Variants in SRL observed in about 807,000 individuals in gnomAD.
SRL encodes the protein sarcalumenin.
Under a neutral mutation model 39.5 loss-of-function variants are expected in SRL, and 23 were observed. The ratio of observed to expected loss-of-function variants is 0.58; its 90% confidence interval spans 0.42 to 0.82. The LOEUF (loss-of-function observed/expected upper bound fraction) is 0.82. Among genes scored for constraint, SRL ranks in the 40% least tolerant of loss-of-function variants. The pLI, the probability that SRL is intolerant of heterozygous loss-of-function variation, is 0.00. For synonymous variants in SRL, 272 were observed against 237.4 expected (o/e 1.15, Z -1.34); for missense variants, 592 against 607.8 (o/e 0.97, Z 0.27).
intron 1 of SRL, among the ~76,000 whole-genome samples, chr16:4,220,773 G>A (rs1285123850): frequency 6.6e-6 from 1 of 152,114 alleles, no homozygotes; most frequent in East Asian, 1.9e-4. Context: ...GGGATCGCTT[G>A]AGCCCAGGAG....
chr16:4,236,232 C>A (rs112056749), intron 1 of SRL, among the ~76,000 whole-genome samples: 1,637 of 152,054 alleles, frequency 0.011, 30 homozygotes, highest in African/African-American at 0.037. Context: ...CACTAAATAC[C>A]CTCAAACCCT....
At chr16:4,226,940 G>C (rs545077219) in intron 1 of SRL, among the ~76,000 whole-genome samples, 1 of 151,594 alleles carries the variant, frequency 6.6e-6, no homozygotes, top group African/African-American at 2.4e-5. Flanking sequence ...GAATGGATGG[G>C]TGGATGGATG....
chr16:4,211,811 A>G (rs975408549), intron 1 of SRL, among the ~76,000 whole-genome samples: 4 of 151,988 alleles, frequency 2.6e-5, no homozygotes, highest in Admixed American at 6.6e-5. Context: ...GATGATGATG[A>G]TGATGGCAGC....
At position 4,192,080 on chromosome 16, in the gene SRL, A is replaced by G; in HGVS notation, c.*73T>C. Reference sequence around the variant, plus strand: ...CCTGCCAGTGTGGCTCAAAGGGTTAATAAACCAGGACCTCTCAGACAGTTA... The same window carrying G: ...CCTGCCAGTGTGGCTCAAAGGGTTAGTAAACCAGGACCTCTCAGACAGTTA... On this transcript the variant is annotated 3_prime_UTR_variant, in exon 6 of 6. Coordinates refer to ENST00000399609, the MANE Select transcript of SRL (RefSeq NM_001098814.2). This position sits in a 1 kb window ranked among gnomAD's most constrained non-coding sequence, Gnocchi z 4.0. 1 of 1,464,238 alleles carries G rather than the reference A, an allele frequency of 6.8e-7. No individual in the cohort carries two copies. Among genetic ancestry groups the G allele is most frequent in the Non-Finnish European group, 9.2e-7 (1 of 1,087,232 alleles). The allele number at this position is 1,464,238 out of a possible 1,614,324, so 90.7% of individuals were successfully genotyped here. A position where few individuals can be genotyped will look rare whatever the true frequency, so the allele number is the denominator to read the frequency against.
At chr16:4,205,553 T>C (rs1176993376) in intron 1 of SRL, among the ~76,000 whole-genome samples, 4 of 128,822 alleles carry the variant, frequency 3.1e-5, no homozygotes, top group Admixed American at 1.5e-4. Flanking sequence ...AGAGAAGGCC[T>C]CCCCAGGTCT....
At chr16:4,207,917 G>T (rs763389091) in intron 1 of SRL, 11 of 456,606 alleles carry the variant, frequency 2.4e-5, no homozygotes, top group South Asian at 1.5e-4. Context: ...CGGCAGACGC[G>T]GGGGTCTTCT....
intron 1 of SRL, among the ~76,000 whole-genome samples, chr16:4,218,128 T>C (rs77182512): frequency 0.011 from 1,691 of 152,186 alleles, 18 homozygotes; most frequent in Middle Eastern, 0.017. Flanking sequence ...CCAGCCTCAG[T>C]CAGCCCTGAT....
chr16:4,216,412 C>T (rs1387864171), intron 1 of SRL, among the ~76,000 whole-genome samples: 2 of 152,056 alleles, frequency 1.3e-5, no homozygotes, highest in African/African-American at 4.8e-5. Flanking sequence ...GCCGGGACCA[C>T]AAGTGCACGC....
At chr16:4,207,321 C>T (rs1449045613) in intron 1 of SRL, 1 of 456,796 alleles carries the variant, frequency 2.2e-6, no homozygotes, top group East Asian at 7.0e-5. Context: ...GCTTTGGGCG[C>T]CCCCAGGCTC....
At chr16:4,238,471 G>A (rs1027436141) in intron 1 of SRL, among the ~76,000 whole-genome samples, 13 of 152,144 alleles carry the variant, frequency 8.5e-5, no homozygotes, top group South Asian at 4.1e-4. Flanking sequence ...GGGGATAAGC[G>A]GGTAAAAGCA....
chr16:4,194,788 G>C (rs915181521), intron 5 of SRL, among the ~76,000 whole-genome samples: 10 of 152,204 alleles, frequency 6.6e-5, no homozygotes, highest in African/African-American at 2.4e-4. Context: ...TCGCAGTAAC[G>C]ACAAGAAGGG....
chr16:4,220,883 G>A (rs1169036432), intron 1 of SRL, among the ~76,000 whole-genome samples: 2 of 151,950 alleles, frequency 1.3e-5, no homozygotes, highest in Non-Finnish European at 2.9e-5. Flanking sequence ...CTACTCAGGA[G>A]ACTGAGGCAG....
chr16:4,239,789 C>T (rs2052752821), intron 1 of SRL: 1 of 152,402 alleles, frequency 6.6e-6, no homozygotes, highest in South Asian at 2.1e-4. Flanking sequence ...CTTCCCTTCC[C>T]TGGATGGTGG....
chr16:4,197,421 C>CTTTTTTTTT (rs71139621), intron 4 of SRL, among the ~76,000 whole-genome samples: 6 of 107,578 alleles, frequency 5.6e-5, no homozygotes, highest in Non-Finnish European at 1.0e-4. Flanking sequence ...CTTTTCTTTC[C>CTTTTTTTTT]TTTTTTTTTT....
rs1182935431 is a variant in SRL at position 4,220,439 on chromosome 16, T to A, written c.62-15805A>T. On this transcript the variant is annotated intron_variant, in intron 1 of 5. Transcript: ENST00000399609. The stretch of plus-strand genomic sequence containing the variant: ...CTCCAGCCTCAGTGACAGGAGACAC[T>A]GTCCTAGAAAAAAAAAACACACACA... 2.0e-5 allele frequency among the ~76,000 whole-genome samples: 3 copies of A among 150,440 alleles called. No homozygotes were observed. The East Asian group carries it at 5.8e-4, about 29-fold the overall frequency.
At chr16:4,199,769 T>G (rs973021849) in intron 3 of SRL, among the ~76,000 whole-genome samples, 15 of 138,546 alleles carry the variant, frequency 1.1e-4, no homozygotes, top group African/African-American at 3.8e-4. Flanking sequence ...CAATCTCAGC[T>G]CACTGCAGCC....
In SRL at chr16:4,202,525, A is replaced by G. The variant is rs575004455; in HGVS notation, c.259+641T>C. Reference sequence around the variant, plus strand: ...GAAGAATGGCGTGAACCTGGGAGGCAGAGCTTGCAGTGAGCCGAGATTGCG... The same window carrying G: ...GAAGAATGGCGTGAACCTGGGAGGCGGAGCTTGCAGTGAGCCGAGATTGCG... On this transcript the variant is annotated intron_variant, in intron 3 of 5. Coordinates refer to ENST00000399609, the MANE Select transcript of SRL (RefSeq NM_001098814.2). Among the ~76,000 whole-genome samples, 6 of 152,060 alleles carry G rather than the reference A, an allele frequency of 3.9e-5. 1 individual carries two copies. Among genetic ancestry groups the G allele is most frequent in the South Asian group, 2.1e-4 (1 of 4,808 alleles).
intron 1 of SRL, among the ~76,000 whole-genome samples, chr16:4,220,498 G>A (rs574184714): frequency 6.6e-6 from 1 of 151,934 alleles, no homozygotes; most frequent in African/African-American, 2.4e-5. Context: ...AGCCTTGCTA[G>A]AGCCTCTGAT....
intron 1 of SRL, among the ~76,000 whole-genome samples, chr16:4,228,209 C>T (rs1027897101): frequency 4.2e-5 from 5 of 120,044 alleles, no homozygotes; most frequent in Admixed American, 8.6e-5. Context: ...AAGACTGAGG[C>T]AGGTGGATCA....
Sources: gnomAD v4.1 joint callset for allele counts (sites outside exome capture counted in the v4.1 genomes callset) on GRCh38, gnomAD v4.1.1 for gene constraint, Gnocchi (gnomAD v3.1) non-coding constraint, MANE v1.5 for transcripts, NCBI Gene and HGNC (gene_info 2026-07-23, HGNC 2026-07-21) for gene names.